CCDC30: variants seen among roughly 807,000 people sequenced by gnomAD.
CCDC30 encodes coiled-coil domain containing 30, also known as coiled-coil domain-containing protein 30.
In CCDC30, 70 loss-of-function variants were observed where a neutral mutation model predicts 100.2. The ratio of observed to expected loss-of-function variants is 0.70; its 90% CI spans 0.58 to 0.85. CCDC30 has a LOEUF of 0.85. Among genes scored for constraint, CCDC30 ranks in the 40% least tolerant of loss-of-function variants. The probability of loss-of-function intolerance (pLI) is 0.00; values close to 1 mark genes in which losing one functional copy is unlikely to be tolerated. For missense variants in CCDC30, 652 were observed against 771.2 expected (o/e 0.85, Z 1.83); for synonymous variants, 233 against 269.5 (o/e 0.86, Z 1.33).
chr1:42,552,437 A>T (rs1456538527), intron 6 of CCDC30, among the ~76,000 whole-genome samples: 1 of 152,170 alleles, frequency 6.6e-6, no homozygotes, highest in East Asian at 1.9e-4. Context: ...TATGGCCATT[A>T]TGTATTTACA....
At chr1:42,535,242 A>T (rs1397664463) in intron 6 of CCDC30, among the ~76,000 whole-genome samples, 1 of 152,188 alleles carries the variant, frequency 6.6e-6, no homozygotes, top group Non-Finnish European at 1.5e-5. Context: ...GTATTGCCTT[A>T]CTAACGAATG....
At chr1:42,553,417 T>C (rs1016776365) in intron 6 of CCDC30, among the ~76,000 whole-genome samples, 12 of 127,786 alleles carry the variant, frequency 9.4e-5, no homozygotes, top group African/African-American at 2.8e-4. Flanking sequence ...TTTTTAGTTG[T>C]ACTTAATGGT....
chr1:42,557,038 C>T (rs1048040039), intron 6 of CCDC30, among the ~76,000 whole-genome samples: 1 of 152,176 alleles, frequency 6.6e-6, no homozygotes, highest in African/African-American at 2.4e-5. Context: ...TCTTACACCT[C>T]ATTTTACAGG....
rs191056968 is a variant in CCDC30 at position 42,604,529 on chromosome 1, C to T, written c.1165-6449C>T. On this transcript the variant is annotated intron_variant, in intron 10 of 16. Transcript: ENST00000668663. ...CATGTAGCCATTGAATCACTGCGGA[C>T]GTGTCCTAAGATACACTGTGATTTT... Among the ~76,000 whole-genome samples the T allele has an allele frequency of 1.1e-4, 17 of 152,300 alleles. No homozygotes were observed. In the East Asian group the frequency reaches 1.9e-3, roughly 17 times the overall value.
At chr1:42,475,549 A>G (rs1345083839) in intron 1 of CCDC30, among the ~76,000 whole-genome samples, 1 of 152,216 alleles carries the variant, frequency 6.6e-6, no homozygotes, top group Non-Finnish European at 1.5e-5. Flanking sequence ...AAATTAACAT[A>G]TGACATTATA....
chr1:42,501,400 G>A (rs1224808400), intron 6 of CCDC30, among the ~76,000 whole-genome samples: 13 of 152,160 alleles, frequency 8.5e-5, no homozygotes, highest in Admixed American at 8.5e-4. Context: ...ATTCCATTCT[G>A]TAACTTTATT....
At chr1:42,459,380 T>A (rs1435623559), upstream of CCDC30, 3 of 544,642 alleles carry the variant, frequency 5.5e-6, no homozygotes, top group Non-Finnish European at 6.5e-6. Flanking sequence ...CCCAGGCTGG[T>A]CTTGAACTGG....
chr1:42,541,804 C>T (rs1645017099), intron 6 of CCDC30, among the ~76,000 whole-genome samples: 1 of 152,142 alleles, frequency 6.6e-6, no homozygotes, highest in Admixed American at 6.5e-5. Flanking sequence ...TAAAGATAGT[C>T]TTGCTAAAGA....
In CCDC30 at chr1:42,596,085, C is replaced by T. The variant is rs977240887; in HGVS notation, c.1164+6602C>T. On this transcript the variant is annotated intron_variant, in intron 10 of 16. Coordinates refer to ENST00000668663, the Ensembl canonical transcript of CCDC30. The surrounding 1 kb of genome is among the most constrained non-coding windows in gnomAD (Gnocchi z 4.3). ...AGAGAAGAGAGGTCACAGTCCAAAC[C>T]GCTACCCCGAAAATTAGAGATACCT... 2.6e-5 allele frequency among the ~76,000 whole-genome samples: 4 copies of T among 152,128 alleles called. No homozygotes were observed. The highest frequency in any genetic ancestry group is 4.8e-5 in the African/African-American group (2 of 41,412).
intron 3 of CCDC30, among the ~76,000 whole-genome samples, chr1:42,484,349 T>G (rs1398142081): frequency 2.0e-5 from 3 of 151,998 alleles, no homozygotes; most frequent in Non-Finnish European, 4.4e-5. Context: ...AAAAAGAAAA[T>G]AAATTTGGTC....
At chr1:42,509,884 A>C (rs866192168) in intron 6 of CCDC30, among the ~76,000 whole-genome samples, 5 of 152,078 alleles carry the variant, frequency 3.3e-5, no homozygotes, top group East Asian at 3.8e-4. Flanking sequence ...TAAAAAAAAA[A>C]CCGTAAAACT....
intron 4 of CCDC30, among the ~76,000 whole-genome samples, chr1:42,490,732 T>C (rs1035565491): frequency 6.6e-6 from 1 of 152,106 alleles, no homozygotes; most frequent in Admixed American, 6.6e-5. Context: ...CCCTATTTCT[T>C]AGATAAGCAA....
intron 11 of CCDC30, among the ~76,000 whole-genome samples, chr1:42,632,176 C>T (rs1457468351): frequency 6.6e-6 from 1 of 152,122 alleles, no homozygotes; most frequent in African/African-American, 2.4e-5. Context: ...AAGGGCTCTT[C>T]AGTTAGCAGA....
At chr1:42,462,809 G>A (rs1643446295), upstream of CCDC30, among the ~76,000 whole-genome samples, 1 of 152,150 alleles carries the variant, frequency 6.6e-6, no homozygotes, top group African/African-American at 2.4e-5. Flanking sequence ...TTCTAGTCAA[G>A]CCCAGTTTCT....
In CCDC30 at chr1:42,476,705, G is replaced by A. The variant is rs1390546683; in HGVS notation, c.-91-3756G>A. On this transcript the variant is annotated intron_variant, in intron 1 of 16. Transcript: ENST00000668663. The stretch of plus-strand genomic sequence containing the variant: ...AACTCCTTCTCAAAAAAAAAAAAAA[G>A]ATAAAAAAATTAGGTGCTGTTATTA... Among the ~76,000 whole-genome samples, 500 of 128,606 alleles carry A rather than the reference G, an allele frequency of 3.9e-3. 3 individuals are homozygous for A. The highest frequency in any genetic ancestry group is 0.013 in the African/African-American group (482 of 38,070). The allele number at this position is 128,606 out of a possible 152,430, so 84.4% of individuals were successfully genotyped here.
chr1:42,566,233 A>G, intron 6 of CCDC30, 63 bp from the exon 11 acceptor site: 1 of 1,307,704 alleles, frequency 7.6e-7, no homozygotes, highest in Non-Finnish European at 1.1e-6. Context: ...GACAACTTGA[A>G]CCCATGTTTT....
exon 12 of CCDC30, chr1:42,637,283 G>A (rs1647178909): frequency 1.3e-6 from 2 of 1,582,274 alleles, no homozygotes; most frequent in South Asian, 2.4e-5. Context: ...GCTTCAAAAA[G>A]TCAAGTATCG....
At chr1:42,610,039 T>C (rs1646587155) in intron 10 of CCDC30, among the ~76,000 whole-genome samples, 2 of 152,234 alleles carry the variant, frequency 1.3e-5, no homozygotes. Context: ...AGACAATGCC[T>C]TGTTCCAGTA....
intron 6 of CCDC30, among the ~76,000 whole-genome samples, chr1:42,549,156 G>A (rs533004264): frequency 4.1e-4 from 62 of 152,228 alleles, no homozygotes; most frequent in African/African-American, 1.2e-3. Flanking sequence ...ACTGATGAGC[G>A]GGACCATTGA....
Sources: gnomAD v4.1 joint callset for allele counts (sites outside exome capture counted in the v4.1 genomes callset) on GRCh38, gnomAD v4.1.1 for gene constraint, Gnocchi (gnomAD v3.1) non-coding constraint, MANE v1.5 for transcripts, NCBI Gene and HGNC (gene_info 2026-07-23, HGNC 2026-07-21) for gene names.